Variants in DPP10 observed in about 807,000 individuals in gnomAD.
DPP10 encodes the protein dipeptidyl peptidase like 10.
In DPP10, 33 loss-of-function variants were observed where a neutral mutation model predicts 120.9. The observed-to-expected ratio is 0.27, with a 90% CI of 0.21 to 0.37. The LOEUF (loss-of-function observed/expected upper bound fraction) is 0.37, where lower values mean the gene tolerates loss of function less well. DPP10 is among the 10% of genes least tolerant of loss of function. The pLI is 1.00. For missense variants in DPP10, 816 were observed against 942.8 expected, an observed-to-expected ratio of 0.87 and a Z score of 1.76; for synonymous variants, 337 against 326.1, an observed-to-expected ratio of 1.03 and a Z score of -0.36.
chr2:114,629,473 T>C (rs1458640213), intron 1 of DPP10, among the ~76,000 whole-genome samples: 1 of 152,206 alleles, frequency 6.6e-6, no homozygotes, highest in Non-Finnish European at 1.5e-5. Flanking sequence ...AAAGTGGACT[T>C]GGGTCGTTAA....
intron 3 of DPP10, among the ~76,000 whole-genome samples, chr2:115,453,529 G>T (rs1403598582): frequency 6.6e-6 from 1 of 151,358 alleles, no homozygotes; most frequent in African/African-American, 2.4e-5. Context: ...GAAGTATTTG[G>T]AAATTTATGA....
At chr2:114,670,562 G>T (rs1698260156) in intron 1 of DPP10, among the ~76,000 whole-genome samples, 1 of 152,008 alleles carries the variant, frequency 6.6e-6, no homozygotes, top group Admixed American at 6.5e-5. Flanking sequence ...GATAGCATTA[G>T]GAGATATACC....
intron 1 of DPP10, among the ~76,000 whole-genome samples, chr2:114,775,196 C>T (rs1205452879): frequency 6.6e-6 from 1 of 152,072 alleles, no homozygotes; most frequent in African/African-American, 2.4e-5. Flanking sequence ...AATGTAGTCA[C>T]TACTGTTAAC....
chr2:115,337,094 G>A (rs958532756), intron 2 of DPP10, among the ~76,000 whole-genome samples: 1 of 151,588 alleles, frequency 6.6e-6, no homozygotes, highest in African/African-American at 2.4e-5. Flanking sequence ...ATGAGCAGAG[G>A]GTAAGCTTGG....
rs572297417 is a variant in DPP10, at chr2:115,452,533, T to G, written c.272-46977T>G. ...CACGTATGGTAACTGTATTCTCCTGTATTCTGAGAGATGAAAGTGAACTGT... is the reference window on the plus strand; with the variant it reads ...CACGTATGGTAACTGTATTCTCCTGGATTCTGAGAGATGAAAGTGAACTGT... On this transcript the variant is annotated intron_variant, in intron 3 of 25. Transcript: ENST00000410059. Among the ~76,000 whole-genome samples, 3 of 152,034 alleles carry G rather than the reference T, an allele frequency of 2.0e-5. No homozygotes were observed. The East Asian group carries it at 5.8e-4, about 29-fold the overall frequency.
intron 7 of DPP10, among the ~76,000 whole-genome samples, chr2:115,697,904 C>T (rs1444366160): frequency 6.6e-6 from 1 of 152,126 alleles, no homozygotes; most frequent in Non-Finnish European, 1.5e-5. Flanking sequence ...ATGGCATGAA[C>T]CCGGGAGGCA....
intron 3 of DPP10, among the ~76,000 whole-genome samples, chr2:115,387,894 G>A (rs559494393): frequency 1.3e-5 from 2 of 152,272 alleles, no homozygotes; most frequent in African/African-American, 2.4e-5. Context: ...ATGTTGATAA[G>A]TGCTGTAAAC....
chr2:115,606,189 T>G (rs1238488231), intron 5 of DPP10, among the ~76,000 whole-genome samples: 1 of 152,198 alleles, frequency 6.6e-6, no homozygotes, highest in Non-Finnish European at 1.5e-5. Flanking sequence ...ATGTTTGTTT[T>G]TAAGCATTGA....
At chr2:115,758,583 A>G (rs1206552754) in intron 11 of DPP10, among the ~76,000 whole-genome samples, 2 of 152,176 alleles carry the variant, frequency 1.3e-5, no homozygotes, top group African/African-American at 4.8e-5. Context: ...TTTTTTTTGT[A>G]GAAACAGACA....
At chr2:114,507,576 T>C (rs1683785491) in intron 1 of DPP10, among the ~76,000 whole-genome samples, 1 of 152,146 alleles carries the variant, frequency 6.6e-6, no homozygotes, top group African/African-American at 2.4e-5. Flanking sequence ...TGATTTTTTC[T>C]TTTTTTAAAA....
chr2:115,711,234 A>G (rs1304468544), intron 7 of DPP10, among the ~76,000 whole-genome samples: 4 of 152,150 alleles, frequency 2.6e-5, no homozygotes, highest in African/African-American at 9.6e-5. Context: ...AGTTATATAC[A>G]TTAATTTGCA....
intron 1 of DPP10, among the ~76,000 whole-genome samples, chr2:115,063,120 T>C (rs1706552010): frequency 6.6e-6 from 1 of 152,218 alleles, no homozygotes; most frequent in Non-Finnish European, 1.5e-5. Context: ...GTGGTTTTTA[T>C]TTGCATTTCT....
At chr2:115,667,367 A>C (rs2089536994) in intron 5 of DPP10, among the ~76,000 whole-genome samples, 1 of 151,942 alleles carries the variant, frequency 6.6e-6, no homozygotes, top group African/African-American at 2.4e-5. Flanking sequence ...CTCACTTGTC[A>C]ATTTTCATTT....
At chr2:115,102,520 C>T (rs2048739671) in intron 1 of DPP10, among the ~76,000 whole-genome samples, 1 of 152,120 alleles carries the variant, frequency 6.6e-6, no homozygotes, top group Admixed American at 6.5e-5. Flanking sequence ...AAGTGATTCT[C>T]CTGCCTCAGC....
intron 19 of DPP10, among the ~76,000 whole-genome samples, chr2:115,799,558 A>G (rs1324895929): frequency 6.8e-6 from 1 of 146,510 alleles, no homozygotes; most frequent in Non-Finnish European, 1.5e-5. Flanking sequence ...AGCATTAGGT[A>G]TATCTCCTAA....
chr2:115,534,066 A>T (rs2148930216), intron 5 of DPP10, among the ~76,000 whole-genome samples: 1 of 152,046 alleles, frequency 6.6e-6, no homozygotes, highest in East Asian at 1.9e-4. Context: ...TTATCAATTT[A>T]TCACTAATTA....
chr2:114,927,438 A>G (rs1308465086), intron 1 of DPP10, among the ~76,000 whole-genome samples: 1 of 152,146 alleles, frequency 6.6e-6, no homozygotes, highest in Non-Finnish European at 1.5e-5. Flanking sequence ...TGTAAGAAGT[A>G]CATTAATTCA....
intron 1 of DPP10, among the ~76,000 whole-genome samples, chr2:114,635,410 A>G (rs944384374): frequency 2.6e-4 from 39 of 151,968 alleles, no homozygotes; most frequent in Non-Finnish European, 2.5e-4. Flanking sequence ...CAGAAATATT[A>G]TATGAATGAA....
intron 1 of DPP10, among the ~76,000 whole-genome samples, chr2:114,620,337 G>A (rs1195818276): frequency 6.6e-6 from 1 of 151,958 alleles, no homozygotes. Context: ...AGCCCTCTGA[G>A]TTGGCATGTA....
Sources: gnomAD v4.1 joint callset for allele counts (sites outside exome capture counted in the v4.1 genomes callset) on GRCh38, gnomAD v4.1.1 for gene constraint, MANE v1.5 for transcripts, NCBI Gene and HGNC (gene_info 2026-07-23, HGNC 2026-07-21) for gene names.